The following LYST variants were observed in gnomAD, a reference collection of about 807,000 sequenced individuals.
LYST encodes the protein lysosomal trafficking regulator.
A neutral mutation model predicts 413.6 loss-of-function variants in LYST; 192 were observed. The ratio of observed to expected loss-of-function variants is 0.46; its 90% CI spans 0.41 to 0.52. The LOEUF is 0.52. Among genes scored for constraint, LYST ranks in the 20% least tolerant of loss-of-function variants. The probability of loss-of-function intolerance (pLI) is 0.00; values close to 1 mark genes in which losing one functional copy is unlikely to be tolerated. For missense variants in LYST, 3,815 were observed against 4,499.9 expected, an observed-to-expected ratio of 0.85 and a Z score of 4.35; for synonymous variants, 1,525 against 1,567.3, an observed-to-expected ratio of 0.97 and a Z score of 0.64.
rs768197548 is a variant in LYST, at chr1:235,830,365, C to T, written c.53G>A (p.Arg18Gln). 1.3e-5 allele frequency: 21 copies of T among 1,613,454 alleles called. No homozygotes were observed. Among genetic ancestry groups the T allele is most frequent in the Admixed American group, 6.7e-5 (4 of 59,932 alleles). ...LAREFLTDVN[R>Q]LCNAVVQRVE... ...CCTCTGGACCACTGCATTGCAAAGCCGGTTGACATCGGTCAGAAATTCACG... is the reference window on the plus strand; with the variant it reads ...CCTCTGGACCACTGCATTGCAAAGCTGGTTGACATCGGTCAGAAATTCACG... The change falls in exon 3 of 53, where the codon CGG becomes CAG. Residue 18 changes from arginine to glutamine, a missense_variant. Transcript: ENST00000389793.
chr1:235,838,585 A>G (rs1312708774), intron 1 of LYST, among the ~76,000 whole-genome samples: 2 of 152,222 alleles, frequency 1.3e-5, no homozygotes, highest in Admixed American at 6.5e-5. Context: ...ACAAAAATCT[A>G]TGGAAGCTAC....
chr1:235,792,158 A>T, intron 11 of LYST, 33 bp from the exon 12 acceptor site: 1 of 1,367,522 alleles, frequency 7.3e-7, no homozygotes. Flanking sequence ...GAAACTTTCT[A>T]ATCACGTAAT....
upstream of LYST, among the ~76,000 whole-genome samples, chr1:235,871,143 G>A (rs1680906329): frequency 6.6e-6 from 1 of 152,134 alleles, no homozygotes; most frequent in Non-Finnish European, 1.5e-5. Context: ...TTATTGAAGA[G>A]GTCAATTCAT....
intron 34 of LYST, among the ~76,000 whole-genome samples, chr1:235,732,694 TA>T (rs1436347081): frequency 6.6e-6 from 1 of 152,202 alleles, no homozygotes; most frequent in Non-Finnish European, 1.5e-5. Flanking sequence ...AAAACCAAAT[TA>T]GCCTCTAGCA....
In LYST at chr1:235,677,433, G is replaced by T. The variant is rs779856446; in HGVS notation, c.10940+47C>A. 17 of 1,580,486 alleles carry T rather than the reference G, an allele frequency of 1.1e-5. 1 individual carries two copies. Among genetic ancestry groups the T allele is most frequent in the Middle Eastern group, 1.7e-4 (1 of 5,796 alleles). On this transcript the variant is annotated intron_variant, in intron 49 of 52. Coordinates refer to ENST00000389793, the MANE Select transcript of LYST (RefSeq NM_000081.4). ...TTTATCTATTTCATATAGTAAAAAT[G>T]GATATATTAAAAATGCTATGTTTGA...
At chr1:235,786,493 A>C (rs963354203) in intron 14 of LYST, among the ~76,000 whole-genome samples, 3 of 152,164 alleles carry the variant, frequency 2.0e-5, no homozygotes, top group Non-Finnish European at 4.4e-5. Context: ...CAGTGTGGTG[A>C]TTCTTCAAGG....
chr1:235,777,203 G>A lies in LYST; in HGVS notation c.5320C>T (p.Pro1774Ser). ...CTCTGAACTTCTTTTGAGCTGAAGG[G>A]TCTTTGAGAGAGTTGGGTTTTCATT... ...GQMKTQLSQR[P>S]FSSKEVQSIL... is the part of the protein sequence containing the mutation. Residue 1774 changes from proline (P) to serine (S), a missense_variant, in exon 17 of 53, where the codon CCC becomes TCC. By Grantham distance (74) the Pro-to-Ser change is moderately conservative. Coordinates refer to ENST00000389793, the MANE Select transcript of LYST (RefSeq NM_000081.4). 6.2e-7 allele frequency: 1 copy of A among 1,613,760 alleles called. No individual in the cohort carries two copies. Among genetic ancestry groups the A allele is most frequent in the South Asian group, 1.1e-5 (1 of 91,076 alleles).
chr1:235,701,269 T>C (rs1169595381), intron 45 of LYST, among the ~76,000 whole-genome samples: 2 of 152,136 alleles, frequency 1.3e-5, no homozygotes, highest in Non-Finnish European at 2.9e-5. Context: ...GCAGTAAGTA[T>C]AGTAGTAAAT....
At chr1:235,702,465 C>T (rs995675592) in intron 45 of LYST, among the ~76,000 whole-genome samples, 11 of 152,156 alleles carry the variant, frequency 7.2e-5, no homozygotes, top group African/African-American at 2.2e-4. Flanking sequence ...CACTGCCCTG[C>T]GAGGCTTTCC....
chr1:235,765,516 T>A (rs1322191105), intron 21 of LYST, among the ~76,000 whole-genome samples: 1 of 152,202 alleles, frequency 6.6e-6, no homozygotes, highest in East Asian at 1.9e-4. Context: ...TGATATGACT[T>A]TAGGGTAAAA....
At position 235,809,193 on chromosome 1, in the gene LYST, T is replaced by C. The variant is rs748933093; in HGVS notation, c.1625A>G (p.Tyr542Cys). The C allele has an allele frequency of 2.9e-5, 46 of 1,613,842 alleles. No homozygotes were observed. Among genetic ancestry groups the C allele is most frequent in the Admixed American group, 2.0e-4 (12 of 59,942 alleles). Residue 542 changes from tyrosine to cysteine, a missense_variant, in exon 5 of 53, where the codon TAT (tyrosine) becomes TGT (cysteine). Physicochemically the swap from Tyr to Cys is radical, Grantham distance 194. Coordinates refer to ENST00000389793, the MANE Select transcript of LYST (RefSeq NM_000081.4). This position sits in a 1 kb window ranked among gnomAD's most constrained non-coding sequence, Gnocchi z 4.0. ...AATGCAACAGCACCGCTCAGGATAA[T>C]AAACATCTCCATCTGCAGTCTCTTC... is the stretch of plus-strand genomic sequence containing the variant. ...PFEETADGDV[Y>C]YPERCCCIAV...
chr1:235,832,161 A>T (rs1418604788), intron 2 of LYST, among the ~76,000 whole-genome samples: 1 of 152,224 alleles, frequency 6.6e-6, no homozygotes, highest in Non-Finnish European at 1.5e-5. Context: ...CCAGGAAAAC[A>T]TTTAAAAACT....
intron 25 of LYST, among the ~76,000 whole-genome samples, chr1:235,755,207 G>A (rs1334922557): frequency 6.6e-6 from 1 of 151,090 alleles, no homozygotes; most frequent in African/African-American, 2.4e-5. Context: ...GGCCAACATG[G>A]TGAAACCCCA....
At position 235,762,708 on chromosome 1, in the gene LYST, T is replaced by C. The variant is rs775318572; in HGVS notation, c.6253+12A>G. The C allele has an allele frequency of 1.2e-6, 2 of 1,611,978 alleles. No homozygotes were observed. The highest frequency in any genetic ancestry group is 2.2e-5 in the East Asian group (1 of 44,786). On this transcript the variant is annotated intron_variant, in intron 22 of 52. Transcript: ENST00000389793. Reference sequence around the variant, plus strand: ...AATGAGAAGGTCATACTTCCATTATTGCTATTTTTACCTTCATATGGTGAA... The same window carrying C: ...AATGAGAAGGTCATACTTCCATTATCGCTATTTTTACCTTCATATGGTGAA...
intron 11 of LYST, among the ~76,000 whole-genome samples, chr1:235,793,077 T>C (rs1326361394): frequency 6.6e-6 from 1 of 152,126 alleles, no homozygotes; most frequent in Non-Finnish European, 1.5e-5. Flanking sequence ...TCCTAGCAGA[T>C]AATAGTTTAA....
intron 25 of LYST, among the ~76,000 whole-genome samples, 164 bp from the exon 26 acceptor site, chr1:235,753,438 T>C (rs1041304948): frequency 6.6e-6 from 1 of 152,104 alleles, no homozygotes; most frequent in Non-Finnish European, 1.5e-5. Context: ...GTCCCTCCAA[T>C]AATAGGGTAA....
chr1:235,882,077 T>TACACACACACACACACACAC (rs1558377526), intron 1 of LYST, among the ~76,000 whole-genome samples: 4 of 102,000 alleles, frequency 3.9e-5, no homozygotes, highest in African/African-American at 1.8e-4. Flanking sequence ...CACTCTTTCT[T>TACACACACACACACACACAC]TCACACACAC....
At chr1:235,814,706 A>T (rs1673852326) in intron 3 of LYST, among the ~76,000 whole-genome samples, 1 of 152,144 alleles carries the variant, frequency 6.6e-6, no homozygotes, top group South Asian at 2.1e-4. Context: ...GAGTCAAAGG[A>T]AGTGAGAAAG....
chr1:235,855,894 A>G (rs1679120361), intron 1 of LYST, among the ~76,000 whole-genome samples: 1 of 152,190 alleles, frequency 6.6e-6, no homozygotes, highest in Non-Finnish European at 1.5e-5. Flanking sequence ...GAGGCAGTCA[A>G]TTACAGAAAA....
Sources: allele counts gnomAD v4.1 joint callset (sites outside exome capture counted in the v4.1 genomes callset), GRCh38; gene constraint gnomAD v4.1.1; non-coding constraint Gnocchi (gnomAD v3.1); transcripts MANE v1.5; gene names NCBI Gene and HGNC (gene_info 2026-07-23, HGNC 2026-07-21).